Variants in CAST observed in about 807,000 individuals in gnomAD.
CAST encodes calpastatin, also known as MIR583 host.
In CAST, 76 loss-of-function variants were observed where a neutral mutation model predicts 119.6. The ratio of observed to expected loss-of-function variants is 0.64; its 90% CI spans 0.53 to 0.77. The LOEUF (loss-of-function observed/expected upper bound fraction) is 0.77, where lower values mean the gene tolerates loss of function less well. CAST is among the 30% of genes least tolerant of loss of function. CAST has a pLI of 0.00. For synonymous variants in CAST, 319 were observed against 331.6 expected (o/e 0.96, Z 0.41); for missense variants, 953 against 946.5 (o/e 1.01, Z -0.09).
chr5:96,620,069 GC>G (rs1747570896), intron 1 of CAST, among the ~76,000 whole-genome samples: 1 of 152,232 alleles, frequency 6.6e-6, no homozygotes, highest in South Asian at 2.1e-4. Flanking sequence ...TTGCAGGCAG[GC>G]AGTAAGGAGA....
At chr5:96,495,722 A>C in the CAST span, among the ~76,000 whole-genome samples, 2 of 152,188 alleles carry the variant, frequency 1.3e-5, no homozygotes, top group Non-Finnish European at 2.9e-5. Flanking sequence ...GTGCTGTAAT[A>C]AACCTAAGTG....
At chr5:96,702,361 T>C (rs1347100032) in intron 3 of CAST, among the ~76,000 whole-genome samples, 1 of 152,242 alleles carries the variant, frequency 6.6e-6, no homozygotes, top group Non-Finnish European at 1.5e-5. Context: ...TTGAAGTTTG[T>C]AATATACTAT....
At chr5:96,138,696 A>C in the CAST span, among the ~76,000 whole-genome samples, 1 of 151,830 alleles carries the variant, frequency 6.6e-6, no homozygotes, top group Non-Finnish European at 1.5e-5. Flanking sequence ...ATACATAAGT[A>C]TTTTATTTTA....
the CAST span, among the ~76,000 whole-genome samples, chr5:96,147,003 G>A: frequency 2.0e-5 from 3 of 152,166 alleles, no homozygotes; most frequent in African/African-American, 7.2e-5. Context: ...AAGGAAGCTG[G>A]GAAATGTAGG....
the CAST span, among the ~76,000 whole-genome samples, chr5:96,227,586 T>C: frequency 6.6e-6 from 1 of 152,128 alleles, no homozygotes; most frequent in East Asian, 1.9e-4. Context: ...AGGAAGTTTG[T>C]TTTGTTTTTG....
At chr5:96,321,994 A>G in the CAST span, among the ~76,000 whole-genome samples, 2 of 152,238 alleles carry the variant, frequency 1.3e-5, no homozygotes, top group Non-Finnish European at 2.9e-5. Flanking sequence ...TAGGTTAAAT[A>G]CTTGGGATTT....
chr5:96,015,999 T>A, the CAST span, among the ~76,000 whole-genome samples: 1 of 152,134 alleles, frequency 6.6e-6, no homozygotes, highest in Non-Finnish European at 1.5e-5. Flanking sequence ...CCATAGTTAG[T>A]TGGCTTTATG....
chr5:96,463,020 A>T, the CAST span, among the ~76,000 whole-genome samples: 1 of 152,000 alleles, frequency 6.6e-6, no homozygotes, highest in African/African-American at 2.4e-5. Flanking sequence ...CGAGTCTCAG[A>T]TGTTTCTTTA....
At chr5:96,480,938 A>G in the CAST span, among the ~76,000 whole-genome samples, 1 of 152,162 alleles carries the variant, frequency 6.6e-6, no homozygotes, top group South Asian at 2.1e-4. Context: ...TGAAGAAAGA[A>G]CTAGGGCAGT....
chr5:96,110,633 G>C, the CAST span, among the ~76,000 whole-genome samples: 7 of 152,178 alleles, frequency 4.6e-5, no homozygotes, highest in Non-Finnish European at 8.8e-5. Context: ...CAACTGTGAG[G>C]AAGGAGCATT....
chr5:96,474,706 T>C, the CAST span, among the ~76,000 whole-genome samples: 1 of 151,904 alleles, frequency 6.6e-6, no homozygotes, highest in African/African-American at 2.4e-5. Context: ...AGCATTCTAG[T>C]AGGGGAGTAA....
chr5:96,586,089 A>G (rs1746854798), intron 1 of CAST, among the ~76,000 whole-genome samples: 1 of 152,164 alleles, frequency 6.6e-6, no homozygotes, highest in East Asian at 1.9e-4. Flanking sequence ...CAGCTCATTT[A>G]TTTTTCACCA....
chr5:96,467,317 A>C, the CAST span, among the ~76,000 whole-genome samples: 15 of 152,124 alleles, frequency 9.9e-5, no homozygotes, highest in South Asian at 3.1e-3. Context: ...TTGCCATGCA[A>C]TATTCTTTGT....
the CAST span, among the ~76,000 whole-genome samples, chr5:96,400,858 C>CATT: frequency 2.5e-5 from 3 of 119,844 alleles, no homozygotes; most frequent in African/African-American, 1.1e-4. Context: ...GAGGCCGAGG[C>CATT]GGGCGGATCA....
At chr5:96,119,805 G>A in the CAST span, among the ~76,000 whole-genome samples, 17 of 152,084 alleles carry the variant, frequency 1.1e-4, no homozygotes, top group African/African-American at 4.1e-4. Context: ...CGCCTAAAAA[G>A]CAAATTAAAT....
intron 3 of CAST, among the ~76,000 whole-genome samples, chr5:96,707,995 A>C (rs1260077335): frequency 1.3e-5 from 2 of 152,078 alleles, no homozygotes; most frequent in Non-Finnish European, 2.9e-5. Flanking sequence ...TCACTTATAC[A>C]TTTTTCAGTT....
At chr5:96,171,711 T>C in the CAST span, among the ~76,000 whole-genome samples, 1 of 152,140 alleles carries the variant, frequency 6.6e-6, no homozygotes, top group East Asian at 1.9e-4. Flanking sequence ...AAGGCAGAGA[T>C]TGAAGTGTGG....
intron 1 of CAST, among the ~76,000 whole-genome samples, chr5:96,538,626 T>C (rs570828634): frequency 6.4e-4 from 97 of 152,182 alleles, no homozygotes; most frequent in African/African-American, 2.3e-3. Flanking sequence ...TAGTTAAAAA[T>C]GGTCCTGGAC....
At chr5:96,027,125 G>A in the CAST span, among the ~76,000 whole-genome samples, 1 of 151,966 alleles carries the variant, frequency 6.6e-6, no homozygotes, top group Non-Finnish European at 1.5e-5. Context: ...AGCCTGAGGT[G>A]AACTATGATC....
Sources: gnomAD v4.1 joint callset for allele counts (sites outside exome capture counted in the v4.1 genomes callset) on GRCh38, gnomAD v4.1.1 for gene constraint, MANE v1.5 for transcripts, NCBI Gene and HGNC (gene_info 2026-07-23, HGNC 2026-07-21) for gene names.